SIK3: variants seen among roughly 807,000 people sequenced by gnomAD.
SIK3 encodes SIK family kinase 3.
Under a neutral mutation model 144.2 loss-of-function variants are expected in SIK3, and 28 were observed. The ratio of observed to expected loss-of-function variants is 0.19; its 90% CI spans 0.14 to 0.27. The LOEUF (loss-of-function observed/expected upper bound fraction) is 0.27, where lower values mean the gene tolerates loss of function less well. Among genes scored for constraint, SIK3 ranks in the 10% least tolerant of loss-of-function variants. The pLI is 1.00. For missense variants in SIK3, 1,319 were observed against 1,776.0 expected, an observed-to-expected ratio of 0.74 and a Z score of 4.62; for synonymous variants, 686 against 676.3, an observed-to-expected ratio of 1.01 and a Z score of -0.22.
In SIK3 at chr11:117,021,928, C is replaced by CAAAAAAAAAA. The variant is rs71037444; in HGVS notation, c.274-64874_274-64865dup. On this transcript the variant is annotated intron_variant, in intron 1 of 24. Coordinates refer to ENST00000445177, the MANE Select transcript of SIK3 (RefSeq NM_001366686.3). ...ATAGCACAGTGAGCCTCTGTCTCTA[C>CAAAAAAAAAA]AAAAAAAAAAAAAAAAAAAAAAAAA... Among the ~76,000 whole-genome samples, 44 of 58,986 alleles carry CAAAAAAAAAA rather than the reference C, an allele frequency of 7.5e-4. 3 individuals are homozygous for CAAAAAAAAAA. Among genetic ancestry groups the CAAAAAAAAAA allele is most frequent in the Admixed American group, 8.9e-4 (4 of 4,484 alleles). 38.7% of individuals were successfully genotyped at this position (58,986 alleles called of 152,430 possible).
chr11:117,030,967 C>A (rs1952232196), intron 1 of SIK3, among the ~76,000 whole-genome samples: 1 of 152,148 alleles, frequency 6.6e-6, no homozygotes, highest in Non-Finnish European at 1.5e-5. Context: ...GTGAAATGTT[C>A]CTTAACATCT....
chr11:117,080,174 TA>T (rs1954724094), intron 1 of SIK3, among the ~76,000 whole-genome samples: 1 of 152,086 alleles, frequency 6.6e-6, no homozygotes, highest in Admixed American at 6.5e-5. Context: ...TACTAATAAG[TA>T]ACTACAAATA....
At chr11:117,095,218 A>AG (rs1015980614) in intron 1 of SIK3, among the ~76,000 whole-genome samples, 1 of 142,208 alleles carries the variant, frequency 7.0e-6, no homozygotes, top group African/African-American at 2.6e-5. Context: ...AAAAAAAAGG[A>AG]GGGGGATCAT....
chr11:116,901,266 TTC>T (rs1945726667), intron 4 of SIK3, among the ~76,000 whole-genome samples: 1 of 152,176 alleles, frequency 6.6e-6, no homozygotes, highest in Non-Finnish European at 1.5e-5. Flanking sequence ...TACACAGTGG[TTC>T]TAATACATAG....
intron 1 of SIK3, among the ~76,000 whole-genome samples, chr11:117,065,458 T>C (rs780311519): frequency 1.2e-4 from 19 of 152,164 alleles, no homozygotes; most frequent in Non-Finnish European, 2.4e-4. Flanking sequence ...TCAATAACTT[T>C]TGAAAACAAT....
At chr11:116,953,264 T>A (rs1036047447) in intron 3 of SIK3, among the ~76,000 whole-genome samples, 1 of 152,220 alleles carries the variant, frequency 6.6e-6, no homozygotes, top group East Asian at 1.9e-4. Flanking sequence ...AGTGTTCATA[T>A]TGATAAATTT....
chr11:117,016,794 A>C (rs1340382991), intron 1 of SIK3, among the ~76,000 whole-genome samples: 1 of 152,242 alleles, frequency 6.6e-6, no homozygotes, highest in Non-Finnish European at 1.5e-5. Context: ...CTGTACGTCA[A>C]TAAAGCTGGG....
intron 1 of SIK3, among the ~76,000 whole-genome samples, chr11:117,065,641 ATTTT>A (rs35013282): frequency 1.4e-5 from 2 of 146,344 alleles, no homozygotes; most frequent in Non-Finnish European, 1.5e-5. Flanking sequence ...TCATAAATTG[ATTTT>A]TTTTTTTTTT....
At chr11:117,066,533 C>CT (rs1954026864) in intron 1 of SIK3, among the ~76,000 whole-genome samples, 3 of 110,188 alleles carry the variant, frequency 2.7e-5, no homozygotes, top group African/African-American at 1.0e-4. Flanking sequence ...AAGAAACAAT[C>CT]CTTTTTTTTT....
intron 21 of SIK3, among the ~76,000 whole-genome samples, chr11:116,855,892 T>A (rs1942872051): frequency 6.6e-6 from 1 of 152,174 alleles, no homozygotes; most frequent in African/African-American, 2.4e-5. Context: ...TGAACAGCAT[T>A]TGGTGCCTGG....
chr11:116,919,978 T>TACC (rs1946870351), intron 4 of SIK3, among the ~76,000 whole-genome samples: 1 of 152,146 alleles, frequency 6.6e-6, no homozygotes, highest in South Asian at 2.1e-4. Flanking sequence ...GCCTTCCTAT[T>TACC]ACCAGGAGGC....
Position 116,862,397 on chromosome 11 carries a change from C to T in SIK3, c.2104-70G>A, listed in dbSNP as rs556169482. 9 of 1,595,070 alleles carry T rather than the reference C, an allele frequency of 5.6e-6. No homozygotes were observed. The East Asian group carries it at 9.0e-5, about 16-fold the overall frequency. Reference sequence around the variant, plus strand: ...CCTCATGCAGTGATTTCAGCAGATGCAGATCTGCCTCCAAGCTCTCATGGG... The same window carrying T: ...CCTCATGCAGTGATTTCAGCAGATGTAGATCTGCCTCCAAGCTCTCATGGG... On this transcript the variant is annotated intron_variant, in intron 16 of 24. Coordinates refer to ENST00000445177, the MANE Select transcript of SIK3 (RefSeq NM_001366686.3).
At chr11:117,053,438 T>C (rs1270473580) in intron 1 of SIK3, among the ~76,000 whole-genome samples, 1 of 152,096 alleles carries the variant, frequency 6.6e-6, no homozygotes, top group Non-Finnish European at 1.5e-5. Context: ...AAGTACTTAG[T>C]AATATGCAAG....
chr11:117,051,030 A>G (rs1281959831), intron 1 of SIK3, among the ~76,000 whole-genome samples: 3 of 152,244 alleles, frequency 2.0e-5, no homozygotes, highest in East Asian at 1.9e-4. Context: ...GCAAGAGATT[A>G]GCATTTGAAT....
chr11:117,031,395 A>T (rs1952251518), intron 1 of SIK3, among the ~76,000 whole-genome samples: 1 of 148,284 alleles, frequency 6.7e-6, no homozygotes, highest in Non-Finnish European at 1.5e-5. Context: ...ATAGCTGTCC[A>T]GTTGCTCCAG....
At chr11:116,861,249 G>A (rs1044597646) in intron 19 of SIK3, 25 bp downstream of exon 19, 2 of 1,504,280 alleles carry the variant, frequency 1.3e-6, no homozygotes, top group African/African-American at 1.4e-5. Context: ...AAAATGAACT[G>A]TTTGGTCTGA....
At chr11:116,972,496 G>T (rs1949798493) in intron 1 of SIK3, among the ~76,000 whole-genome samples, 1 of 152,076 alleles carries the variant, frequency 6.6e-6, no homozygotes, top group African/African-American at 2.4e-5. Context: ...GCATTGAACA[G>T]CTCTACCTAC....
At chr11:116,879,162 G>A (rs11216172) in intron 6 of SIK3, among the ~76,000 whole-genome samples, 102,217 of 152,038 alleles carry the variant, frequency 0.67, 36,077 homozygotes, top group Non-Finnish European at 0.8. Context: ...TTAATCAAAT[G>A]AGATTGTAAT....
chr11:116,942,550 G>A (rs983983977), intron 3 of SIK3, among the ~76,000 whole-genome samples: 1 of 152,126 alleles, frequency 6.6e-6, no homozygotes, highest in African/African-American at 2.4e-5. Flanking sequence ...CAGAGCAATG[G>A]GCCAGTAGGA....
Sources: allele counts gnomAD v4.1 joint callset (sites outside exome capture counted in the v4.1 genomes callset), GRCh38; gene constraint gnomAD v4.1.1; transcripts MANE v1.5; gene names NCBI Gene and HGNC (gene_info 2026-07-23, HGNC 2026-07-21).